RABEPK: variants seen among roughly 807,000 people sequenced by gnomAD.
RABEPK encodes Rab9 effector protein with kelch motifs.
RABEPK carries 27 observed loss-of-function variants against 34.1 expected under a neutral mutation model. That is an observed-to-expected ratio of 0.79 (90% CI 0.58 to 1.09). The LOEUF is 1.09. Ranked by LOEUF, RABEPK falls within the 50% of genes least tolerant of loss-of-function variation. The probability of loss-of-function intolerance (pLI) is 0.00; values close to 1 mark genes in which losing one functional copy is unlikely to be tolerated. For synonymous variants in RABEPK, 172 were observed against 169.2 expected, an observed-to-expected ratio of 1.02 and a Z score of -0.13; for missense variants, 449 against 462.6, an observed-to-expected ratio of 0.97 and a Z score of 0.27.
In RABEPK at chr9:125,207,089, TA is replaced by T. The variant is rs80221176; in HGVS notation, c.54-459del. ...GGGCAACAAGAGCAAAACTCCATCT[TA>T]AAAAAAAAAAAAAAAGAACCATTGC... On this transcript the variant is annotated intron_variant, in intron 2 of 7. Coordinates refer to ENST00000373538, the MANE Select transcript of RABEPK (RefSeq NM_005833.4). Among the ~76,000 whole-genome samples the T allele has an allele frequency of 5.9e-3, 787 of 132,884 alleles. 1 individual carries two copies. Among genetic ancestry groups the T allele is most frequent in the East Asian group, 0.02 (94 of 4,666 alleles). The allele number at this position is 132,884 out of a possible 152,430, so 87.2% of individuals were successfully genotyped here.
At position 125,200,751 on chromosome 9, in the gene RABEPK, C is replaced by T. The variant is rs537228607; in HGVS notation, c.-162C>T. ...GCCACTTTGACCGAATCAGCCTGTTCTTTCCCGACCCCGTCTCCTATCCCC... is the reference window on the plus strand; with the variant it reads ...GCCACTTTGACCGAATCAGCCTGTTTTTTCCCGACCCCGTCTCCTATCCCC... On this transcript the variant is annotated 5_prime_UTR_variant, in exon 1 of 8. Transcript: ENST00000373538. 2.1e-6 allele frequency: 1 copy of T among 471,240 alleles called. No individual in the cohort carries two copies. The highest frequency in any genetic ancestry group is 1.5e-5 in the South Asian group (1 of 64,572). 29.2% of individuals were successfully genotyped at this position (471,240 alleles called of 1,614,324 possible). A position where few individuals can be genotyped will look rare whatever the true frequency, so the allele number is the denominator to read the frequency against.
At chr9:125,212,933 G>T (rs937761137) in intron 3 of RABEPK, among the ~76,000 whole-genome samples, 1 of 152,080 alleles carries the variant, frequency 6.6e-6, no homozygotes, top group African/African-American at 2.4e-5. Flanking sequence ...CTCCCAAAGT[G>T]CTCGGATTAC....
At chr9:125,204,221 C>T (rs1339209889) in intron 2 of RABEPK, among the ~76,000 whole-genome samples, 1 of 151,856 alleles carries the variant, frequency 6.6e-6, no homozygotes, top group East Asian at 1.9e-4. Context: ...GTAGTCCCAG[C>T]TACTCTGGAG....
At chr9:125,225,573 A>G (rs922473391) in intron 5 of RABEPK, among the ~76,000 whole-genome samples, 1 of 152,148 alleles carries the variant, frequency 6.6e-6, no homozygotes, top group African/African-American at 2.4e-5. Flanking sequence ...CTATAATCCC[A>G]ACACTTTGGG....
At chr9:125,223,620 G>A (rs566726404) in intron 5 of RABEPK, among the ~76,000 whole-genome samples, 7 of 151,116 alleles carry the variant, frequency 4.6e-5, no homozygotes, top group African/African-American at 1.5e-4. Context: ...AATCCCATCG[G>A]CTCAGGAGGC....
chr9:125,201,668 A>C (rs1282030196), intron 1 of RABEPK, among the ~76,000 whole-genome samples: 1 of 151,820 alleles, frequency 6.6e-6, no homozygotes, highest in East Asian at 2.0e-4. Context: ...GCTGGAGTGC[A>C]AGTGGCGCAA....
chr9:125,215,455 G>T (rs1323752143), intron 4 of RABEPK, among the ~76,000 whole-genome samples: 1 of 151,616 alleles, frequency 6.6e-6, no homozygotes, highest in Non-Finnish European at 1.5e-5. Flanking sequence ...GACTACAGGC[G>T]CTTGCCACCA....
At chr9:125,213,653 A>T (rs1830731569) in intron 4 of RABEPK, 131 bp downstream of exon 4, 1 of 815,002 alleles carries the variant, frequency 1.2e-6, no homozygotes, top group East Asian at 2.8e-5. Flanking sequence ...AACTTTGCTG[A>T]CATAGAAAAT....
At chr9:125,220,857 A>C in intron 5 of RABEPK, 157 bp downstream of exon 5, 1 of 1,025,158 alleles carries the variant, frequency 9.8e-7, no homozygotes, top group Admixed American at 3.2e-5. Flanking sequence ...TTCCCACAGC[A>C]AAATTGGCAT....
intron 7 of RABEPK, 62 bp downstream of exon 7, chr9:125,232,807 G>T (rs957518160): frequency 3.3e-6 from 5 of 1,520,990 alleles, no homozygotes; most frequent in Non-Finnish European, 4.5e-6. Context: ...ACGTGATGCG[G>T]TGGCTCACGC....
intron 4 of RABEPK, among the ~76,000 whole-genome samples, chr9:125,213,977 C>A (rs1830751581): frequency 6.6e-6 from 1 of 152,040 alleles, no homozygotes; most frequent in Non-Finnish European, 1.5e-5. Flanking sequence ...GAAAAATTAG[C>A]TGGGTGTAGT....
intron 5 of RABEPK, among the ~76,000 whole-genome samples, chr9:125,227,127 GC>G (rs1451477367): frequency 3.3e-5 from 5 of 151,972 alleles, no homozygotes. Flanking sequence ...CTGAGATCAT[GC>G]CATTGCACTC....
Position 125,234,060 on chromosome 9 carries a change from A to G in RABEPK, c.*80A>G, listed in dbSNP as rs747463929. 6 of 1,314,050 alleles carry G rather than the reference A, an allele frequency of 4.6e-6. No individual in the cohort carries two copies. Among genetic ancestry groups the G allele is most frequent in the Non-Finnish European group, 6.3e-6 (6 of 945,512 alleles). 81.4% of individuals were successfully genotyped at this position (1,314,050 alleles called of 1,614,324 possible). Reference sequence around the variant, plus strand: ...ATTAGCTGTTTTATACCTCCAAAATATCTTCTGCATTATATATCTGTTTTT... The same window carrying G: ...ATTAGCTGTTTTATACCTCCAAAATGTCTTCTGCATTATATATCTGTTTTT... On this transcript the variant is annotated 3_prime_UTR_variant, in exon 8 of 8. Transcript: ENST00000373538.
chr9:125,211,614 A>G (rs1830594557), intron 3 of RABEPK, among the ~76,000 whole-genome samples: 2 of 152,132 alleles, frequency 1.3e-5, no homozygotes, highest in Non-Finnish European at 2.9e-5. Context: ...GAGGGCTCTT[A>G]TTCTCCAGTT....
At chr9:125,213,590 T>C (rs1375596548) in intron 4 of RABEPK, 68 bp downstream of exon 4, 6 of 1,261,406 alleles carry the variant, frequency 4.8e-6, no homozygotes, top group South Asian at 4.3e-5. Context: ...CACACACATA[T>C]ATATAAATCC....
rs1160613198 is a variant in RABEPK at position 125,200,726 on chromosome 9, G to A, written c.-187G>A. On this transcript the variant is annotated 5_prime_UTR_variant, in exon 1 of 8. Coordinates refer to ENST00000373538, the MANE Select transcript of RABEPK (RefSeq NM_005833.4). Reference sequence around the variant, plus strand: ...AAGGGCCTTCCCTGGCTCCGTCCCGGCCACTTTGACCGAATCAGCCTGTTC... The same window carrying A: ...AAGGGCCTTCCCTGGCTCCGTCCCGACCACTTTGACCGAATCAGCCTGTTC... 1 of 471,232 alleles carries A rather than the reference G, an allele frequency of 2.1e-6. No individual in the cohort carries two copies. The highest frequency in any genetic ancestry group is 2.3e-5 in the Admixed American group (1 of 42,578). 29.2% of individuals were successfully genotyped at this position (471,232 alleles called of 1,614,324 possible).
chr9:125,223,371 C>T (rs926495816), intron 5 of RABEPK, among the ~76,000 whole-genome samples: 1 of 151,810 alleles, frequency 6.6e-6, no homozygotes, highest in Non-Finnish European at 1.5e-5. Context: ...CAGGAGAATC[C>T]CTTGAACCTG....
At chr9:125,204,393 C>T (rs1830090179) in intron 2 of RABEPK, among the ~76,000 whole-genome samples, 1 of 152,114 alleles carries the variant, frequency 6.6e-6, no homozygotes, top group Non-Finnish European at 1.5e-5. Flanking sequence ...ACCAGTCTGG[C>T]CAACATGGCA....
chr9:125,229,258 A>G (rs1832005979), intron 6 of RABEPK, among the ~76,000 whole-genome samples: 1 of 150,340 alleles, frequency 6.7e-6, no homozygotes, highest in South Asian at 2.2e-4. Context: ...CGTCTCCAAA[A>G]AAAAAAGAAA....
Sources: allele counts gnomAD v4.1 joint callset (sites outside exome capture counted in the v4.1 genomes callset), GRCh38; gene constraint gnomAD v4.1.1; transcripts MANE v1.5; gene names NCBI Gene and HGNC (gene_info 2026-07-23, HGNC 2026-07-21).